Variants in ZNF438 observed in about 807,000 individuals in gnomAD.
ZNF438 encodes the protein zinc finger protein 438.
Under a neutral mutation model 38.0 loss-of-function variants are expected in ZNF438, and 25 were observed. That is an observed-to-expected ratio of 0.66 (90% CI 0.48 to 0.92). The LOEUF (loss-of-function observed/expected upper bound fraction) is 0.92, where lower values mean the gene tolerates loss of function less well. ZNF438 is among the 40% of genes least tolerant of loss of function. ZNF438 has a pLI of 0.00. For synonymous variants in ZNF438, 372 were observed against 364.1 expected (o/e 1.02, Z -0.25); for missense variants, 1,007 against 999.6 (o/e 1.01, Z -0.10).
At chr10:30,904,888 A>AT (rs1343309048) in intron 3 of ZNF438, among the ~76,000 whole-genome samples, 2 of 152,174 alleles carry the variant, frequency 1.3e-5, no homozygotes, top group Admixed American at 6.5e-5. Context: ...CTAGGTTCAG[A>AT]TATCCCTGTT....
chr10:30,886,390 T>C (rs2039955805), intron 3 of ZNF438, among the ~76,000 whole-genome samples: 1 of 152,236 alleles, frequency 6.6e-6, no homozygotes, highest in South Asian at 2.1e-4. Context: ...TGAATTTTCC[T>C]GGCTTGTTTT....
At chr10:31,028,796 G>C (rs1483653682) in intron 1 of ZNF438, among the ~76,000 whole-genome samples, 4 of 152,136 alleles carry the variant, frequency 2.6e-5, no homozygotes, top group Admixed American at 2.6e-4. Context: ...GCAGGCACTG[G>C]ATTAGGGACT....
intron 5 of ZNF438, among the ~76,000 whole-genome samples, chr10:30,847,786 GCTGC>G (rs1310826719): frequency 6.6e-6 from 1 of 152,240 alleles, no homozygotes; most frequent in African/African-American, 2.4e-5. Flanking sequence ...GGCACCTGGA[GCTGC>G]CTGGCCTGCA....
At chr10:31,023,764 A>T (rs2056764032) in intron 1 of ZNF438, among the ~76,000 whole-genome samples, 1 of 152,226 alleles carries the variant, frequency 6.6e-6, no homozygotes, top group Non-Finnish European at 1.5e-5. Context: ...CCAACAAAGT[A>T]AGCCAATCAG....
exon 5 of ZNF438, chr10:30,849,568 A>G (rs774431185): frequency 1.2e-6 from 2 of 1,614,134 alleles, no homozygotes; most frequent in Admixed American, 1.7e-5. Flanking sequence ...ACTGAACTGC[A>G]TTGCCAAGAA....
At chr10:30,928,656 T>G (rs1172368297) in intron 2 of ZNF438, among the ~76,000 whole-genome samples, 2 of 152,210 alleles carry the variant, frequency 1.3e-5, no homozygotes, top group African/African-American at 4.8e-5. Flanking sequence ...GCACTTTTTT[T>G]TTGACATTTG....
At chr10:30,943,972 A>AT (rs1382822070) in intron 1 of ZNF438, among the ~76,000 whole-genome samples, 3 of 152,216 alleles carry the variant, frequency 2.0e-5, no homozygotes, top group Non-Finnish European at 4.4e-5. Context: ...CAAAGTTCTA[A>AT]TAACTTGTTC....
intron 1 of ZNF438, among the ~76,000 whole-genome samples, chr10:30,954,410 G>A (rs1311402236): frequency 6.6e-6 from 1 of 152,188 alleles, no homozygotes; most frequent in African/African-American, 2.4e-5. Context: ...TTACTATTAA[G>A]GCTTGGGGCC....
chr10:31,003,426 C>T (rs537154782), intron 1 of ZNF438, among the ~76,000 whole-genome samples: 3 of 152,256 alleles, frequency 2.0e-5, no homozygotes, highest in Admixed American at 2.0e-4. Context: ...CTGTTCTGGC[C>T]TGAATCCCTT....
intron 1 of ZNF438, among the ~76,000 whole-genome samples, chr10:30,973,073 C>T (rs1253326193): frequency 6.6e-6 from 1 of 152,064 alleles, no homozygotes; most frequent in African/African-American, 2.4e-5. Context: ...GCAGCTATAC[C>T]TACAAAAACA....
At chr10:31,023,701 C>T (rs2056759539) in intron 1 of ZNF438, among the ~76,000 whole-genome samples, 1 of 152,074 alleles carries the variant, frequency 6.6e-6, no homozygotes, top group African/African-American at 2.4e-5. Flanking sequence ...TTTAAATCTA[C>T]CCCAGTCAAT....
chr10:31,013,839 TTA>T (rs777093474), intron 1 of ZNF438, among the ~76,000 whole-genome samples: 2 of 152,164 alleles, frequency 1.3e-5, no homozygotes, highest in Admixed American at 1.3e-4. Context: ...TCCCCAGACT[TTA>T]TGTCTCTCTT....
chr10:31,011,875 T>G (rs1292434709), intron 1 of ZNF438, among the ~76,000 whole-genome samples: 1 of 152,222 alleles, frequency 6.6e-6, no homozygotes, highest in Non-Finnish European at 1.5e-5. Flanking sequence ...AATAGAATCC[T>G]AGGTCCTTAT....
intron 1 of ZNF438, among the ~76,000 whole-genome samples, chr10:31,027,233 A>C (rs191502031): frequency 6.6e-6 from 1 of 152,294 alleles, no homozygotes; most frequent in East Asian, 1.9e-4. Context: ...CTAGAACTTA[A>C]AGTATAATTT....
intron 2 of ZNF438, chr10:30,919,094 T>C (rs1397197591): frequency 6.6e-6 from 1 of 152,256 alleles, no homozygotes; most frequent in Non-Finnish European, 1.5e-5. Flanking sequence ...TTCTTTCATT[T>C]GCAACTTGTT....
At chr10:30,945,524 G>A (rs1168145178) in intron 1 of ZNF438, among the ~76,000 whole-genome samples, 2 of 151,482 alleles carry the variant, frequency 1.3e-5, no homozygotes, top group Admixed American at 6.6e-5. Flanking sequence ...CTAGCATTAG[G>A]TATATCTCCC....
intron 3 of ZNF438, among the ~76,000 whole-genome samples, chr10:30,895,283 G>T (rs1406117818): frequency 6.6e-6 from 1 of 152,180 alleles, no homozygotes; most frequent in Non-Finnish European, 1.5e-5. Context: ...TCACATTAGT[G>T]GATGAAGCAA....
intron 1 of ZNF438, among the ~76,000 whole-genome samples, chr10:30,993,417 A>G (rs2053710512): frequency 6.6e-6 from 1 of 152,202 alleles, no homozygotes; most frequent in African/African-American, 2.4e-5. Context: ...TCATGACCCA[A>G]GTAGCAGCAA....
chr10:30,892,235 T>C (rs1279967300), intron 3 of ZNF438, among the ~76,000 whole-genome samples: 2 of 147,040 alleles, frequency 1.4e-5, no homozygotes, highest in East Asian at 3.8e-4. Context: ...ACCCTATATA[T>C]ACTGTATTTT....
Sources: allele counts gnomAD v4.1 joint callset (sites outside exome capture counted in the v4.1 genomes callset), GRCh38; gene constraint gnomAD v4.1.1; transcripts MANE v1.5; gene names NCBI Gene and HGNC (gene_info 2026-07-23, HGNC 2026-07-21).